Variants in CNTN1 observed in about 807,000 individuals in gnomAD.
The protein encoded by CNTN1 is contactin 1.
CNTN1 carries 38 observed loss-of-function variants against 126.4 expected under a neutral mutation model. The observed-to-expected ratio is 0.30, with a 90% CI of 0.23 to 0.39. The LOEUF (loss-of-function observed/expected upper bound fraction) is 0.39, where lower values mean the gene tolerates loss of function less well. Among genes scored for constraint, CNTN1 ranks in the 10% least tolerant of loss-of-function variants. CNTN1 has a pLI of 1.00. For missense variants in CNTN1, 1,009 were observed against 1,248.4 expected (o/e 0.81, Z 2.89); for synonymous variants, 413 against 422.6 (o/e 0.98, Z 0.28).
chr12:40,996,141 C>CTT (rs397849906), intron 17 of CNTN1, among the ~76,000 whole-genome samples: 2 of 143,496 alleles, frequency 1.4e-5, no homozygotes, highest in African/African-American at 5.1e-5. Context: ...CTGAGCCTCA[C>CTT]TTTTTTTTTT....
chr12:40,759,413 C>CTCTT (rs1404557356), intron 1 of CNTN1, among the ~76,000 whole-genome samples: 1 of 151,442 alleles, frequency 6.6e-6, no homozygotes, highest in Non-Finnish European at 1.5e-5. Flanking sequence ...TCCTTTTTTT[C>CTCTT]TCTTTCTTTC....
At chr12:40,931,698 G>A (rs1252016270) in intron 7 of CNTN1, among the ~76,000 whole-genome samples, 1 of 151,794 alleles carries the variant, frequency 6.6e-6, no homozygotes, top group Non-Finnish European at 1.5e-5. Flanking sequence ...TGATCTTCAG[G>A]ACAGCTAACC....
chr12:40,832,212 T>G (rs1001823611), intron 1 of CNTN1, among the ~76,000 whole-genome samples: 4 of 152,130 alleles, frequency 2.6e-5, no homozygotes, highest in African/African-American at 9.7e-5. Context: ...TCAGATAAAT[T>G]CTCAGCATTT....
intron 1 of CNTN1, among the ~76,000 whole-genome samples, chr12:40,844,537 G>GA (rs1435246205): frequency 6.6e-6 from 1 of 151,968 alleles, no homozygotes; most frequent in African/African-American, 2.4e-5. Context: ...TTGCAGTAGT[G>GA]AAAAAAATAT....
At chr12:40,830,819 A>G (rs1941793418) in intron 1 of CNTN1, among the ~76,000 whole-genome samples, 3 of 125,572 alleles carry the variant, frequency 2.4e-5, no homozygotes, top group African/African-American at 8.9e-5. Context: ...ATATATATAT[A>G]TATATATATA....
chr12:40,997,899 G>A (rs1475606117), intron 17 of CNTN1, among the ~76,000 whole-genome samples: 1 of 152,064 alleles, frequency 6.6e-6, no homozygotes, highest in Non-Finnish European at 1.5e-5. Context: ...TTACCACTAT[G>A]AGAAAATCAT....
intron 6 of CNTN1, among the ~76,000 whole-genome samples, chr12:40,925,345 A>C (rs1208041107): frequency 6.6e-6 from 1 of 151,670 alleles, no homozygotes; most frequent in South Asian, 2.1e-4. Context: ...TCATGTTTCT[A>C]TTCTTTTAGT....
intron 1 of CNTN1, among the ~76,000 whole-genome samples, chr12:40,878,233 G>A (rs1943742728): frequency 6.6e-6 from 1 of 151,066 alleles, no homozygotes; most frequent in African/African-American, 2.4e-5. Context: ...CTGACCTCAG[G>A]TGATCGCCGG....
chr12:40,954,149 A>C (rs921842469), intron 14 of CNTN1, among the ~76,000 whole-genome samples: 1 of 152,060 alleles, frequency 6.6e-6, no homozygotes, highest in Admixed American at 6.6e-5. Context: ...TTAATGAATA[A>C]ATACCAAAAA....
chr12:40,792,249 C>T (rs945108796), intron 1 of CNTN1, among the ~76,000 whole-genome samples: 7 of 151,988 alleles, frequency 4.6e-5, no homozygotes, highest in Non-Finnish European at 7.4e-5. Context: ...CCTCCACCCA[C>T]TTTTTAATTT....
At position 40,930,108 on chromosome 12, in the gene CNTN1, A is replaced by T. The variant is rs1031993188; in HGVS notation, c.703+106A>T. 2.1e-5 allele frequency: 20 copies of T among 945,132 alleles called. No individual in the cohort carries two copies. In the African/African-American group the frequency reaches 2.6e-4, roughly 12 times the overall value. The allele number at this position is 945,132 out of a possible 1,614,324, so 58.5% of individuals were successfully genotyped here. A position where few individuals can be genotyped will look rare whatever the true frequency, so the allele number is the denominator to read the frequency against. ...AGTGAAGACTAGCTGACTTTTCAGG[A>T]AGGACAATATAAAAGGGGATGCATG... is the stretch of plus-strand genomic sequence containing the variant. On this transcript the variant is annotated intron_variant, in intron 7 of 23. Transcript: ENST00000551295.
intron 15 of CNTN1, among the ~76,000 whole-genome samples, chr12:40,973,325 T>C (rs1463952654): frequency 7.9e-5 from 12 of 152,098 alleles, no homozygotes; most frequent in Non-Finnish European, 1.8e-4. Flanking sequence ...GCCATTGTCT[T>C]AGATAATTTT....
intron 1 of CNTN1, among the ~76,000 whole-genome samples, chr12:40,774,696 T>C (rs924782628): frequency 4.0e-5 from 6 of 151,566 alleles, no homozygotes; most frequent in African/African-American, 1.4e-4. Context: ...CAATATATAA[T>C]TTAGCTATTA....
chr12:40,996,673 A>G (rs1948226025), intron 17 of CNTN1, among the ~76,000 whole-genome samples: 1 of 152,198 alleles, frequency 6.6e-6, no homozygotes, highest in Admixed American at 6.5e-5. Context: ...TTATAAGCAT[A>G]GAAGAAAGAT....
At chr12:41,042,759 T>G (rs11837541) in intron 23 of CNTN1, among the ~76,000 whole-genome samples, 2,189 of 152,054 alleles carry the variant, frequency 0.014, 56 homozygotes, top group African/African-American at 0.048. Flanking sequence ...ATACTACAAG[T>G]CTACAGTAAC....
intron 23 of CNTN1, among the ~76,000 whole-genome samples, chr12:41,053,542 T>TA (rs1474086208): frequency 1.4e-5 from 2 of 147,610 alleles, no homozygotes; most frequent in Non-Finnish European, 3.0e-5. Flanking sequence ...GTAATTTTGT[T>TA]AATTATGTTG....
intron 1 of CNTN1, among the ~76,000 whole-genome samples, chr12:40,767,892 A>G (rs924848989): frequency 1.3e-5 from 2 of 152,192 alleles, no homozygotes; most frequent in African/African-American, 2.4e-5. Context: ...TATAAGGCCC[A>G]TTAATGTTTC....
At chr12:40,978,514 G>C (rs1206402749) in intron 15 of CNTN1, among the ~76,000 whole-genome samples, 1 of 152,052 alleles carries the variant, frequency 6.6e-6, no homozygotes, top group Non-Finnish European at 1.5e-5. Context: ...AGAACTGCCT[G>C]AACATTAATT....
chr12:40,746,417 GAAGA>G (rs1938187912), intron 1 of CNTN1, among the ~76,000 whole-genome samples: 2 of 152,042 alleles, frequency 1.3e-5, no homozygotes, highest in Admixed American at 1.3e-4. Context: ...TGCCTCCTTA[GAAGA>G]AAGAATTTGA....
Sources: allele counts gnomAD v4.1 joint callset (sites outside exome capture counted in the v4.1 genomes callset), GRCh38; gene constraint gnomAD v4.1.1; transcripts MANE v1.5; gene names NCBI Gene and HGNC (gene_info 2026-07-23, HGNC 2026-07-21).